GALNT13: variants seen among roughly 807,000 people sequenced by gnomAD.
GALNT13 encodes the protein UDP-GalNAc:polypeptide N-acetylgalactosaminyltransferase 13.
A neutral mutation model predicts 64.2 loss-of-function variants in GALNT13; 28 were observed. That is an observed-to-expected ratio of 0.44 (90% confidence interval 0.32 to 0.60). GALNT13 has a LOEUF of 0.60. GALNT13 is among the 20% of genes least tolerant of loss of function. The pLI, the probability that GALNT13 is intolerant of heterozygous loss-of-function variation, is 0.05. For synonymous variants in GALNT13, 214 were observed against 224.6 expected, an observed-to-expected ratio of 0.95 and a Z score of 0.42; for missense variants, 577 against 669.8, an observed-to-expected ratio of 0.86 and a Z score of 1.53.
In GALNT13 at chr2:154,298,645, AC is replaced by A. The variant is rs1693167863; in HGVS notation, c.976-2763del. Among the ~76,000 whole-genome samples the A allele has an allele frequency of 8.3e-5, 7 of 84,232 alleles. 2 individuals are homozygous for A. Among genetic ancestry groups the A allele is most frequent in the African/African-American group, 1.7e-4 (4 of 23,034 alleles). 55.3% of individuals were successfully genotyped at this position (84,232 alleles called of 152,430 possible). On this transcript the variant is annotated intron_variant, in intron 8 of 12. Transcript: ENST00000392825. ...TACATTGTATATATAATTTATATAT[AC>A]ATTGTATATACAATTTATATATACA...
At chr2:153,997,510 T>C (rs918729196) in intron 3 of GALNT13, among the ~76,000 whole-genome samples, 3 of 152,064 alleles carry the variant, frequency 2.0e-5, no homozygotes, top group African/African-American at 7.3e-5. Flanking sequence ...TTCTAGATTT[T>C]CTGTGTTTAT....
the GALNT13 span, among the ~76,000 whole-genome samples, chr2:153,562,060 C>CTCTGTGTGTGTGTGTGTGTGTG: frequency 2.4e-4 from 29 of 118,958 alleles, no homozygotes; most frequent in Non-Finnish European, 3.7e-4. Context: ...CTCTCTCTCT[C>CTCTGTGTGTGTGTGTGTGTGTG]TGTGTGTGTG....
At chr2:154,383,433 C>T (rs1698369104) in intron 9 of GALNT13, among the ~76,000 whole-genome samples, 1 of 151,832 alleles carries the variant, frequency 6.6e-6, no homozygotes, top group Non-Finnish European at 1.5e-5. Flanking sequence ...TACAGTCTGC[C>T]TAGATAGTCA....
chr2:153,499,364 G>A, the GALNT13 span, among the ~76,000 whole-genome samples: 2 of 152,176 alleles, frequency 1.3e-5, no homozygotes, highest in Non-Finnish European at 2.9e-5. Context: ...AGTGCTGATT[G>A]GTTCATGAGT....
chr2:154,318,681 C>T (rs184198705), intron 9 of GALNT13, among the ~76,000 whole-genome samples: 48 of 150,100 alleles, frequency 3.2e-4, no homozygotes, highest in Non-Finnish European at 6.5e-4. Flanking sequence ...GCCAAGATTG[C>T]ACCATTCCAC....
intron 3 of GALNT13, among the ~76,000 whole-genome samples, chr2:153,958,495 A>G (rs1692726516): frequency 6.6e-6 from 1 of 152,200 alleles, no homozygotes. Context: ...GAACGCAAAT[A>G]TTATTGCCAT....
the GALNT13 span, among the ~76,000 whole-genome samples, chr2:153,712,462 G>A: frequency 6.6e-6 from 1 of 152,042 alleles, no homozygotes; most frequent in Non-Finnish European, 1.5e-5. Flanking sequence ...TCATCTGCAA[G>A]AAAGAAGAAC....
chr2:153,614,363 GATTATA>G, the GALNT13 span, among the ~76,000 whole-genome samples: 1 of 151,934 alleles, frequency 6.6e-6, no homozygotes, highest in African/African-American at 2.4e-5. Flanking sequence ...TTATTAGTAT[GATTATA>G]ATTATTATTA....
the GALNT13 span, among the ~76,000 whole-genome samples, chr2:153,586,356 T>G: frequency 6.6e-6 from 1 of 152,140 alleles, no homozygotes; most frequent in Non-Finnish European, 1.5e-5. Flanking sequence ...GGTGGAGATA[T>G]TCCACACAAA....
chr2:153,632,273 C>A, the GALNT13 span, among the ~76,000 whole-genome samples: 1 of 152,172 alleles, frequency 6.6e-6, no homozygotes, highest in African/African-American at 2.4e-5. Flanking sequence ...TTCCCATATA[C>A]TTTGTCCCTA....
At chr2:153,705,988 C>CTA in the GALNT13 span, among the ~76,000 whole-genome samples, 61 of 150,984 alleles carry the variant, frequency 4.0e-4, no homozygotes, top group Admixed American at 9.3e-4. Context: ...GTATTGAGGA[C>CTA]TATATATATA....
Position 153,952,778 on chromosome 2 carries a change from A to G in GALNT13, c.142+8139A>G, listed in dbSNP as rs1437823706. Among the ~76,000 whole-genome samples the G allele has an allele frequency of 3.3e-5, 5 of 152,186 alleles. No individual in the cohort carries two copies. In the East Asian group the frequency reaches 9.7e-4, roughly 29 times the overall value. On this transcript the variant is annotated intron_variant, in intron 3 of 12. Coordinates refer to ENST00000392825, the MANE Select transcript of GALNT13 (RefSeq NM_052917.4). ...AAGCCAGTCCGAGTCCCAAAACCTC[A>G]AAAGGAAAGCTGACAGTGCAGCCTT...
At chr2:153,204,665 C>A in the GALNT13 span, among the ~76,000 whole-genome samples, 1 of 130,574 alleles carries the variant, frequency 7.7e-6, no homozygotes, top group Admixed American at 7.2e-5. Flanking sequence ...GTTAGAATCT[C>A]TTGGTTCTTC....
chr2:153,983,881 G>A (rs1453003176), intron 3 of GALNT13, among the ~76,000 whole-genome samples: 2 of 151,920 alleles, frequency 1.3e-5, no homozygotes, highest in African/African-American at 2.4e-5. Flanking sequence ...AGAAAATACT[G>A]TGCTTCTTCC....
chr2:154,193,249 A>G (rs1686696281), intron 4 of GALNT13, among the ~76,000 whole-genome samples: 1 of 152,234 alleles, frequency 6.6e-6, no homozygotes, highest in African/African-American at 2.4e-5. Context: ...ATATGTGTTT[A>G]TTCTTATGAT....
intron 9 of GALNT13, among the ~76,000 whole-genome samples, chr2:154,394,765 A>G (rs534907042): frequency 1.8e-3 from 281 of 152,320 alleles, no homozygotes; most frequent in African/African-American, 6.6e-3. Flanking sequence ...TAAAAAGCCC[A>G]AAGACCTTGT....
chr2:153,984,182 G>A (rs1694648888), intron 3 of GALNT13, among the ~76,000 whole-genome samples: 2 of 151,502 alleles, frequency 1.3e-5, no homozygotes, highest in South Asian at 4.1e-4. Flanking sequence ...CTGTTTTTGA[G>A]TTCTTGTGTC....
At chr2:154,098,491 T>G (rs977077221) in intron 3 of GALNT13, among the ~76,000 whole-genome samples, 1 of 152,148 alleles carries the variant, frequency 6.6e-6, no homozygotes, top group Non-Finnish European at 1.5e-5. Flanking sequence ...ATGTGCATGT[T>G]TATTACATGG....
chr2:153,418,849 C>A, the GALNT13 span, among the ~76,000 whole-genome samples: 2 of 151,920 alleles, frequency 1.3e-5, no homozygotes, highest in African/African-American at 4.8e-5. Flanking sequence ...TAGAGCCAGA[C>A]CTTGTCTGAA....
Sources: gnomAD v4.1 joint callset for allele counts (sites outside exome capture counted in the v4.1 genomes callset) on GRCh38, gnomAD v4.1.1 for gene constraint, MANE v1.5 for transcripts, NCBI Gene and HGNC (gene_info 2026-07-23, HGNC 2026-07-21) for gene names.